The following TRIP4 variants were observed in gnomAD, a reference collection of about 807,000 sequenced individuals.
TRIP4 encodes activating signal cointegrator 1.
Under a neutral mutation model 81.8 loss-of-function variants are expected in TRIP4, and 54 were observed. The ratio of observed to expected loss-of-function variants is 0.66; its 90% CI spans 0.53 to 0.83. The LOEUF (loss-of-function observed/expected upper bound fraction) is 0.83, where lower values mean the gene tolerates loss of function less well. TRIP4 is among the 40% of genes least tolerant of loss of function. The pLI, the probability that TRIP4 is intolerant of heterozygous loss-of-function variation, is 0.00. For missense variants in TRIP4, 662 were observed against 683.6 expected (o/e 0.97, Z 0.35); for synonymous variants, 270 against 242.8 (o/e 1.11, Z -1.04).
intron 4 of TRIP4, 138 bp downstream of exon 4, chr15:64,397,956 A>G (rs1438353294): frequency 7.6e-6 from 7 of 919,796 alleles, no homozygotes; most frequent in Non-Finnish European, 1.1e-5. Flanking sequence ...GCTGGAGTGC[A>G]GTGGCACGAT....
intron 9 of TRIP4, among the ~76,000 whole-genome samples, chr15:64,420,414 C>A (rs886915477): frequency 9.2e-5 from 14 of 152,134 alleles, no homozygotes; most frequent in Admixed American, 3.3e-4. Context: ...AGCCAATGCG[C>A]CCGGCTGTTT....
chr15:64,436,591 C>CA (rs1303234953), intron 11 of TRIP4, among the ~76,000 whole-genome samples: 10 of 146,422 alleles, frequency 6.8e-5, no homozygotes, highest in Admixed American at 2.0e-4. Context: ...ACTCCATCAA[C>CA]AAAAAAAAAA....
chr15:64,446,889 G>A (rs1427439939), intron 12 of TRIP4, among the ~76,000 whole-genome samples: 1 of 151,632 alleles, frequency 6.6e-6, no homozygotes, highest in Non-Finnish European at 1.5e-5. Context: ...TGGATCACAA[G>A]GTCAGGAGAT....
At chr15:64,410,165 A>G (rs564501659) in intron 7 of TRIP4, among the ~76,000 whole-genome samples, 4 of 151,370 alleles carry the variant, frequency 2.6e-5, no homozygotes, top group Admixed American at 6.6e-5. Context: ...AGCTGGGATT[A>G]CAGGTGCCCA....
intron 1 of TRIP4, among the ~76,000 whole-genome samples, chr15:64,389,779 G>A (rs894480448): frequency 4.2e-5 from 6 of 142,944 alleles, no homozygotes; most frequent in East Asian, 2.0e-4. Context: ...ATCTCAGCTC[G>A]CTGCAACCTC....
In TRIP4 at chr15:64,445,053, C is replaced by T; in HGVS notation, c.1623C>T (p.Cys541=). ...QESDSPFVFI[C]KNPQEMVVKF... ...CTGATTCTCCATTTGTTTTCATCTG[C>T]AAAAATCCTCAGGAAATGGTTGTGA... Residue 541 remains cysteine, a synonymous_variant, in exon 12 of 13, where the codon TGC becomes TGT. Transcript: ENST00000261884. 1 of 1,603,930 alleles carries T rather than the reference C, an allele frequency of 6.2e-7. No individual in the cohort carries two copies. Among genetic ancestry groups the T allele is most frequent in the East Asian group, 2.2e-5 (1 of 44,566 alleles).
At chr15:64,408,249 ATTTTTTT>A (rs796182931) in intron 6 of TRIP4, among the ~76,000 whole-genome samples, 3 of 42,472 alleles carry the variant, frequency 7.1e-5, no homozygotes, top group Non-Finnish European at 1.5e-4. Flanking sequence ...AAGAAGACAA[ATTTTTTT>A]TTTTTTTTTT....
chr15:64,449,153 A>G (rs1027255833), intron 12 of TRIP4, among the ~76,000 whole-genome samples: 4 of 152,086 alleles, frequency 2.6e-5, no homozygotes, highest in African/African-American at 9.6e-5. Context: ...TCAAGGCTGC[A>G]ATGGGCTATG....
At chr15:64,429,254 T>A (rs1485550775) in intron 11 of TRIP4, among the ~76,000 whole-genome samples, 1 of 151,750 alleles carries the variant, frequency 6.6e-6, no homozygotes. Flanking sequence ...GAGGCAGAGG[T>A]TGCAGTGAGC....
At chr15:64,454,001 T>G (rs1454058648) in intron 12 of TRIP4, among the ~76,000 whole-genome samples, 1 of 152,198 alleles carries the variant, frequency 6.6e-6, no homozygotes, top group African/African-American at 2.4e-5. Flanking sequence ...TTTAGTCCAG[T>G]GCTCTGTTAT....
intron 12 of TRIP4, chr15:64,451,010 T>C: frequency 5.4e-6 from 1 of 185,818 alleles, no homozygotes; most frequent in Non-Finnish European, 1.2e-5. Context: ...ATATGGTAAA[T>C]GAAAGGTGAA....
chr15:64,388,483 A>T (rs1900019128), intron 1 of TRIP4, among the ~76,000 whole-genome samples: 1 of 152,040 alleles, frequency 6.6e-6, no homozygotes, highest in South Asian at 2.1e-4. Flanking sequence ...ATTTTTAAAA[A>T]TTTTTAGTAG....
intron 1 of TRIP4, among the ~76,000 whole-genome samples, chr15:64,390,662 A>C (rs1900099478): frequency 6.6e-6 from 1 of 151,952 alleles, no homozygotes; most frequent in South Asian, 2.1e-4. Context: ...AGGCCAAGGC[A>C]GGTGGACCAC....
chr15:64,414,512 CTT>C, intron 8 of TRIP4, among the ~76,000 whole-genome samples: 1 of 87,058 alleles, frequency 1.1e-5, no homozygotes, highest in African/African-American at 4.3e-5. Context: ...TGCTCTTTCT[CTT>C]TTTTTTTTTT....
At chr15:64,431,957 G>C (rs910762853) in intron 11 of TRIP4, among the ~76,000 whole-genome samples, 4 of 136,682 alleles carry the variant, frequency 2.9e-5, no homozygotes, top group Non-Finnish European at 4.6e-5. Flanking sequence ...AGTGATCTTG[G>C]CTCACTGCAA....
chr15:64,388,761 T>G (rs1486428993), intron 1 of TRIP4, among the ~76,000 whole-genome samples: 1 of 152,198 alleles, frequency 6.6e-6, no homozygotes, highest in Non-Finnish European at 1.5e-5. Context: ...TATTCTGTTG[T>G]CGTTTACCTG....
intron 11 of TRIP4, among the ~76,000 whole-genome samples, chr15:64,434,402 G>A (rs377103513): frequency 2.1e-3 from 284 of 137,910 alleles, no homozygotes; most frequent in Middle Eastern, 3.8e-3. Context: ...TCCGTCTCAA[G>A]AAAAAAAAAA....
Position 64,393,987 on chromosome 15 carries a change from A to G in TRIP4, c.143A>G (p.Tyr48Cys), listed in dbSNP as rs760996093. Residue 48 changes from tyrosine (Y) to cysteine (C), a missense_variant, in exon 2 of 13, where the codon TAT becomes TGT. Coordinates refer to ENST00000261884, the MANE Select transcript of TRIP4 (RefSeq NM_016213.5). ...SIESAEEIRE[Y>C]VTDLLQGNEG... is the part of the protein sequence containing the mutation. ...GAGAGTGCTGAAGAGATACGAGAAT[A>G]TGTTACTGATCTCCTCCAGGGAAAT... 18 of 1,608,410 alleles carry G rather than the reference A, an allele frequency of 1.1e-5. No homozygotes were observed. Among genetic ancestry groups the G allele is most frequent in the East Asian group, 6.7e-5 (3 of 44,550 alleles).
rs184236364 is a variant in TRIP4, at chr15:64,396,893, C to A, written c.406-713C>A. Among the ~76,000 whole-genome samples, 5 of 152,302 alleles carry A rather than the reference C, an allele frequency of 3.3e-5. No individual in the cohort carries two copies. In the East Asian group the frequency reaches 7.7e-4, roughly 24 times the overall value. On this transcript the variant is annotated intron_variant, in intron 3 of 12. Transcript: ENST00000261884. The stretch of plus-strand genomic sequence containing the variant: ...TATGAGAGGTCTAATTCTTTTGTAT[C>A]TTTGCTAACACTTCATATTTTCTCT...
Sources: gnomAD v4.1 joint callset for allele counts (sites outside exome capture counted in the v4.1 genomes callset) on GRCh38, gnomAD v4.1.1 for gene constraint, MANE v1.5 for transcripts, NCBI Gene and HGNC (gene_info 2026-07-23, HGNC 2026-07-21) for gene names.